Variants in GTF2F2 observed in about 807,000 individuals in gnomAD.
GTF2F2 encodes the protein general transcription factor IIF subunit 2, also known as ATP-dependent helicase GTF2F2.
GTF2F2 carries 23 observed loss-of-function variants against 42.2 expected under a neutral mutation model. The observed-to-expected ratio is 0.55, with a 90% CI of 0.39 to 0.77. GTF2F2 has a LOEUF of 0.77. Among genes scored for constraint, GTF2F2 ranks in the 30% least tolerant of loss-of-function variants. The probability of loss-of-function intolerance (pLI) is 0.00; values close to 1 mark genes in which losing one functional copy is unlikely to be tolerated. For missense variants in GTF2F2, 261 were observed against 287.2 expected (o/e 0.91, Z 0.66); for synonymous variants, 105 against 100.8 (o/e 1.04, Z -0.25).
chr13:45,131,789 C>T (rs896776052), intron 1 of GTF2F2, among the ~76,000 whole-genome samples: 6 of 150,454 alleles, frequency 4.0e-5, no homozygotes, highest in Admixed American at 2.7e-4. Flanking sequence ...ACCTGTAGTT[C>T]AGCTACTTGG....
intron 2 of GTF2F2, among the ~76,000 whole-genome samples, chr13:45,147,496 A>G (rs1870253536): frequency 6.6e-6 from 1 of 152,194 alleles, no homozygotes; most frequent in Non-Finnish European, 1.5e-5. Flanking sequence ...CCTGCCTCAA[A>G]ATGCAAGTTG....
chr13:45,243,017 A>C (rs1211223598), intron 5 of GTF2F2, among the ~76,000 whole-genome samples: 1 of 152,206 alleles, frequency 6.6e-6, no homozygotes, highest in East Asian at 1.9e-4. Context: ...GAATATACAC[A>C]GTAATTTGCA....
chr13:45,184,533 G>A (rs948506837), intron 4 of GTF2F2, among the ~76,000 whole-genome samples: 1 of 151,830 alleles, frequency 6.6e-6, no homozygotes, highest in Admixed American at 6.6e-5. Flanking sequence ...GGATTACCAT[G>A]TGAGCCACTG....
At chr13:45,255,228 G>T (rs1876056222) in intron 6 of GTF2F2, among the ~76,000 whole-genome samples, 1 of 149,594 alleles carries the variant, frequency 6.7e-6, no homozygotes, top group Admixed American at 6.7e-5. Context: ...AAGTGACACA[G>T]GATAGCATCT....
chr13:45,264,573 A>G (rs1236028394), intron 6 of GTF2F2, among the ~76,000 whole-genome samples: 1 of 152,154 alleles, frequency 6.6e-6, no homozygotes, highest in Non-Finnish European at 1.5e-5. Context: ...GCCTGGCCCC[A>G]TGATTTTTGA....
chr13:45,268,309 TTAACA>T (rs1320621177), intron 7 of GTF2F2, among the ~76,000 whole-genome samples: 3 of 152,194 alleles, frequency 2.0e-5, no homozygotes, highest in Non-Finnish European at 2.9e-5. Flanking sequence ...AAAAAACATC[TTAACA>T]TAACCAAATA....
Position 45,205,091 on chromosome 13 carries a change from C to G in GTF2F2, c.305-2333C>G, listed in dbSNP as rs200078875. 2.6e-5 allele frequency among the ~76,000 whole-genome samples: 4 copies of G among 152,242 alleles called. No individual in the cohort carries two copies. In the East Asian group the frequency reaches 7.7e-4, roughly 29 times the overall value. On this transcript the variant is annotated intron_variant, in intron 4 of 7. Transcript: ENST00000340473. ...TAGGTACTGCTAAATAAGTGGGGAG[C>G]ATTCACTTAGTAAAAGGTAGCTATA...
intron 5 of GTF2F2, among the ~76,000 whole-genome samples, chr13:45,208,699 A>C (rs1038349614): frequency 4.6e-5 from 7 of 152,178 alleles, no homozygotes; most frequent in African/African-American, 7.2e-5. Context: ...CATCTTTAAA[A>C]GTTTCCTTCT....
intron 2 of GTF2F2, among the ~76,000 whole-genome samples, chr13:45,146,051 C>T (rs1051233230): frequency 6.6e-6 from 1 of 152,164 alleles, no homozygotes; most frequent in African/African-American, 2.4e-5. Context: ...TACCTTGCCC[C>T]TGCTTGCCTG....
At chr13:45,154,102 C>T (rs998097417) in intron 4 of GTF2F2, among the ~76,000 whole-genome samples, 3 of 151,384 alleles carry the variant, frequency 2.0e-5, no homozygotes, top group Admixed American at 1.3e-4. Context: ...TGTGATTGTC[C>T]CTGGAGTGGA....
intron 7 of GTF2F2, among the ~76,000 whole-genome samples, chr13:45,274,092 T>C (rs1395150848): frequency 6.6e-6 from 1 of 152,094 alleles, no homozygotes; most frequent in Non-Finnish European, 1.5e-5. Flanking sequence ...GCACTGGCCT[T>C]CTTCACTTCG....
chr13:45,144,920 G>A (rs1870120760), intron 2 of GTF2F2, among the ~76,000 whole-genome samples: 1 of 152,158 alleles, frequency 6.6e-6, no homozygotes, highest in South Asian at 2.1e-4. Flanking sequence ...ATATATGTGT[G>A]TGTATATAAC....
At chr13:45,125,028 A>G (rs554699541) in intron 1 of GTF2F2, among the ~76,000 whole-genome samples, 1 of 152,222 alleles carries the variant, frequency 6.6e-6, no homozygotes, top group Non-Finnish European at 1.5e-5. Context: ...TTGGTGGCCA[A>G]AGAGAAAGTT....
At chr13:45,263,415 A>T (rs1002880778) in intron 6 of GTF2F2, among the ~76,000 whole-genome samples, 7 of 151,992 alleles carry the variant, frequency 4.6e-5, no homozygotes, top group Non-Finnish European at 7.4e-5. Context: ...TTTTTAGTAG[A>T]GACAGGGTTT....
rs185476390 is a variant in GTF2F2 at position 45,160,421 on chromosome 13, A to G, written c.304+8590A>G. On this transcript the variant is annotated intron_variant, in intron 4 of 7. Transcript: ENST00000340473. ...TAGTTTCTTAAAGGTCACTTGCAGT[A>G]TAGAATCTGAAACTATTAGCAAACC... 1.2e-4 allele frequency among the ~76,000 whole-genome samples: 19 copies of G among 152,344 alleles called. No homozygotes were observed. In the East Asian group the frequency reaches 3.7e-3, roughly 29 times the overall value.
chr13:45,219,178 T>A (rs1411774458), intron 5 of GTF2F2, among the ~76,000 whole-genome samples: 2 of 141,998 alleles, frequency 1.4e-5, no homozygotes, highest in African/African-American at 5.5e-5. Context: ...AAAAAAAAAA[T>A]CTCATTTCCT....
At chr13:45,217,687 T>G (rs1264337991) in intron 5 of GTF2F2, among the ~76,000 whole-genome samples, 2 of 152,226 alleles carry the variant, frequency 1.3e-5, no homozygotes, top group African/African-American at 4.8e-5. Flanking sequence ...TATTGGCATG[T>G]GATGGTGTTT....
intron 2 of GTF2F2, among the ~76,000 whole-genome samples, chr13:45,147,247 C>T (rs939003989): frequency 6.6e-6 from 1 of 152,178 alleles, no homozygotes; most frequent in Non-Finnish European, 1.5e-5. Context: ...TGCTATGTAT[C>T]TCTTCCTTAC....
At chr13:45,176,418 T>A (rs551105728) in intron 4 of GTF2F2, among the ~76,000 whole-genome samples, 4 of 152,336 alleles carry the variant, frequency 2.6e-5, no homozygotes, top group Admixed American at 2.0e-4. Flanking sequence ...TACCCTTGTG[T>A]TTATTTTACA....
Sources: allele counts gnomAD v4.1 joint callset (sites outside exome capture counted in the v4.1 genomes callset), GRCh38; gene constraint gnomAD v4.1.1; transcripts MANE v1.5; gene names NCBI Gene and HGNC (gene_info 2026-07-23, HGNC 2026-07-21).